The following FHIT variants were observed in gnomAD, a reference collection of about 807,000 sequenced individuals.
FHIT encodes fragile histidine triad diadenosine triphosphatase.
FHIT carries 19 observed loss-of-function variants against 17.9 expected under a neutral mutation model. The observed-to-expected ratio is 1.06, with a 90% CI of 0.74 to 1.56. The LOEUF (loss-of-function observed/expected upper bound fraction) is 1.56. Ranked by LOEUF, FHIT falls within the 40% of genes most tolerant of loss-of-function variation. The pLI is 0.00. For missense variants in FHIT, 248 were observed against 189.2 expected, an observed-to-expected ratio of 1.31 and a Z score of -1.82; for synonymous variants, 81 against 69.7, an observed-to-expected ratio of 1.16 and a Z score of -0.81.
At chr3:60,569,248 A>G (rs2037250587) in intron 4 of FHIT, among the ~76,000 whole-genome samples, 1 of 152,160 alleles carries the variant, frequency 6.6e-6, no homozygotes, top group Non-Finnish European at 1.5e-5. Context: ...TTGAATTTAT[A>G]ACTTTGATAC....
chr3:60,912,774 A>G (rs782819063), intron 3 of FHIT: 10 of 516,724 alleles, frequency 1.9e-5, no homozygotes, highest in African/African-American at 1.9e-4. Flanking sequence ...GCAGAAACTC[A>G]AAGTCCTTTC....
chr3:59,930,877 C>T (rs975409276), intron 7 of FHIT, among the ~76,000 whole-genome samples: 3 of 152,132 alleles, frequency 2.0e-5, no homozygotes, highest in Admixed American at 2.0e-4. Context: ...TCTACCTCAT[C>T]TTGCCCAACC....
chr3:60,978,472 G>A (rs1451083472), intron 3 of FHIT, among the ~76,000 whole-genome samples: 1 of 152,186 alleles, frequency 6.6e-6, no homozygotes. Flanking sequence ...TATTTCACTT[G>A]ACTACTTCTC....
intron 5 of FHIT, among the ~76,000 whole-genome samples, chr3:60,269,976 G>T (rs1706781512): frequency 6.6e-6 from 1 of 152,164 alleles, no homozygotes; most frequent in Admixed American, 6.5e-5. Context: ...CAGGCCCATA[G>T]CTTTCTCTGA....
intron 3 of FHIT, among the ~76,000 whole-genome samples, chr3:60,883,254 G>T (rs1262990072): frequency 1.3e-5 from 2 of 152,086 alleles, no homozygotes; most frequent in African/African-American, 4.8e-5. Flanking sequence ...CCATATTCAT[G>T]AATTGGAAGA....
At chr3:60,531,884 G>A (rs1200003795) in intron 5 of FHIT, among the ~76,000 whole-genome samples, 1 of 152,200 alleles carries the variant, frequency 6.6e-6, no homozygotes, top group Non-Finnish European at 1.5e-5. Context: ...ATTTGTCAGA[G>A]TTTTCTTTTT....
intron 3 of FHIT, among the ~76,000 whole-genome samples, chr3:60,993,568 C>T (rs112304850): frequency 0.011 from 1,627 of 152,256 alleles, 32 homozygotes; most frequent in African/African-American, 0.037. Context: ...CAAGGCAATA[C>T]ACACCACCCA....
At chr3:60,343,175 G>C (rs1710611080) in intron 5 of FHIT, among the ~76,000 whole-genome samples, 1 of 152,140 alleles carries the variant, frequency 6.6e-6, no homozygotes, top group African/African-American at 2.4e-5. Flanking sequence ...AAATTGCCCT[G>C]TGTGAGGGTG....
chr3:61,188,558 G>A (rs1370192172), intron 2 of FHIT, among the ~76,000 whole-genome samples: 1 of 152,072 alleles, frequency 6.6e-6, no homozygotes, highest in African/African-American at 2.4e-5. Flanking sequence ...TAGAAAAAGA[G>A]GGAATCCTCC....
chr3:60,491,325 G>GA (rs771747549), intron 5 of FHIT, among the ~76,000 whole-genome samples: 7 of 151,606 alleles, frequency 4.6e-5, no homozygotes, highest in East Asian at 1.9e-4. Flanking sequence ...GCAGCCCTAT[G>GA]AAAAACAGGG....
intron 5 of FHIT, among the ~76,000 whole-genome samples, chr3:60,390,534 G>C (rs532177580): frequency 2.6e-5 from 4 of 151,488 alleles, no homozygotes; most frequent in Non-Finnish European, 5.9e-5. Context: ...CCTCAGGCAA[G>C]TCCTTCAGGA....
intron 5 of FHIT, among the ~76,000 whole-genome samples, chr3:60,251,622 A>C (rs1705715533): frequency 6.6e-6 from 1 of 152,030 alleles, no homozygotes; most frequent in Non-Finnish European, 1.5e-5. Context: ...AATAAGATAC[A>C]CTCCATGCAT....
At chr3:60,396,725 T>C (rs1229198159) in intron 5 of FHIT, among the ~76,000 whole-genome samples, 1 of 152,192 alleles carries the variant, frequency 6.6e-6, no homozygotes, top group Non-Finnish European at 1.5e-5. Flanking sequence ...AGGTGGTAGC[T>C]GCACAACATT....
At chr3:60,382,483 T>C (rs1700843384) in intron 5 of FHIT, among the ~76,000 whole-genome samples, 2 of 152,212 alleles carry the variant, frequency 1.3e-5, no homozygotes, top group African/African-American at 4.8e-5. Context: ...ACAATTCATC[T>C]TCTTATTCAT....
At chr3:61,179,664 T>G (rs1429086354) in intron 2 of FHIT, among the ~76,000 whole-genome samples, 1 of 131,970 alleles carries the variant, frequency 7.6e-6, no homozygotes. Context: ...GCTATAATTG[T>G]GCCACTGCAC....
intron 4 of FHIT, among the ~76,000 whole-genome samples, chr3:60,646,849 G>A (rs2039869426): frequency 6.6e-6 from 1 of 152,122 alleles, no homozygotes; most frequent in Admixed American, 6.5e-5. Flanking sequence ...TCTCCCACCT[G>A]CATTACTTCA....
At chr3:60,330,613 A>G (rs1277893286) in intron 5 of FHIT, among the ~76,000 whole-genome samples, 4 of 152,154 alleles carry the variant, frequency 2.6e-5, no homozygotes, top group Non-Finnish European at 5.9e-5. Flanking sequence ...AAGCTCTAAA[A>G]CACCAAACCC....
At chr3:61,163,110 T>G (rs185344742) in intron 2 of FHIT, among the ~76,000 whole-genome samples, 1 of 152,310 alleles carries the variant, frequency 6.6e-6, no homozygotes, top group African/African-American at 2.4e-5. Flanking sequence ...TCTCTGCACA[T>G]GCCATTTCCC....
chr3:60,097,878 C>A, intron 5 of FHIT, among the ~76,000 whole-genome samples: 1 of 123,480 alleles, frequency 8.1e-6, no homozygotes, highest in Non-Finnish European at 1.7e-5. Context: ...CCCCACCCCA[C>A]AACAGGCCCC....
Sources: allele counts gnomAD v4.1 joint callset (sites outside exome capture counted in the v4.1 genomes callset), GRCh38; gene constraint gnomAD v4.1.1; transcripts MANE v1.5; gene names NCBI Gene and HGNC (gene_info 2026-07-23, HGNC 2026-07-21).